Variants in ALDH1L2 observed in about 807,000 individuals in gnomAD.
ALDH1L2 encodes the protein aldehyde dehydrogenase 1 family member L2.
Under a neutral mutation model 111.0 loss-of-function variants are expected in ALDH1L2, and 91 were observed. The ratio of observed to expected loss-of-function variants is 0.82; its 90% CI spans 0.69 to 0.98. ALDH1L2 has a LOEUF of 0.98. Among genes scored for constraint, ALDH1L2 ranks in the 50% least tolerant of loss-of-function variants. ALDH1L2 has a pLI of 0.00. For synonymous variants in ALDH1L2, 374 were observed against 392.6 expected, an observed-to-expected ratio of 0.95 and a Z score of 0.56; for missense variants, 995 against 1,126.8, an observed-to-expected ratio of 0.88 and a Z score of 1.67.
chr12:105,070,779 G>C lies in ALDH1L2; in HGVS notation c.219C>G (p.Thr73=), dbSNP rs760162556. ...TCCATTTAGGAAGCTTGAACACAGG[G>C]GTCCCATCTTTCTCTGCAGCCAAAG... ...PLALAAEKDG[T]PVFKLPKWRV... Residue 73 remains threonine, a synonymous_variant, in exon 3 of 23, where the codon ACC becomes ACG. Transcript: ENST00000258494. 6.2e-7 allele frequency: 1 copy of C among 1,613,318 alleles called. No individual in the cohort carries two copies. Among genetic ancestry groups the C allele is most frequent in the Admixed American group, 1.7e-5 (1 of 59,902 alleles).
chr12:105,066,243 A>AT (rs1229707778), intron 5 of ALDH1L2, among the ~76,000 whole-genome samples: 1 of 152,102 alleles, frequency 6.6e-6, no homozygotes, highest in African/African-American at 2.4e-5. Context: ...GTTTCTGGGC[A>AT]TTTTTTATTT....
intron 5 of ALDH1L2, among the ~76,000 whole-genome samples, chr12:105,065,944 C>T (rs981194871): frequency 3.9e-5 from 6 of 152,070 alleles, no homozygotes; most frequent in African/African-American, 1.4e-4. Flanking sequence ...TTGGAATTTC[C>T]TTCTCTGCCC....
Position 105,020,758 on chromosome 12 carries a change from G to A in ALDH1L2, c.*3666C>T, listed in dbSNP as rs544141234. 46 of 152,418 alleles carry A rather than the reference G, an allele frequency of 3.0e-4. No individual in the cohort carries two copies. The highest frequency in any genetic ancestry group is 1.1e-3 in the African/African-American group (46 of 41,580). The allele number at this position is 152,418 out of a possible 1,614,324, so 9.4% of individuals were successfully genotyped here. On this transcript the variant is annotated 3_prime_UTR_variant, in exon 23 of 23. Transcript: ENST00000258494. The stretch of plus-strand genomic sequence containing the variant: ...AGACCTGCAGGAAGTGAGCCAGCCA[G>A]CCATGAGGTTGTGTATGGACAAGAG...
chr12:105,042,094 C>T lies in ALDH1L2; in HGVS notation c.1864-1400G>A, dbSNP rs902797695. On this transcript the variant is annotated intron_variant, in intron 15 of 22. Coordinates refer to ENST00000258494, the MANE Select transcript of ALDH1L2 (RefSeq NM_001034173.4). Reference sequence around the variant, plus strand: ...TATGTATACACAACACACACACACACGTCTACATGTATGTGTGTATCTATC... The same window carrying T: ...TATGTATACACAACACACACACACATGTCTACATGTATGTGTGTATCTATC... 5.9e-5 allele frequency among the ~76,000 whole-genome samples: 9 copies of T among 151,902 alleles called. 1 individual carries two copies. Among genetic ancestry groups the T allele is most frequent in the Admixed American group, 2.0e-4 (3 of 15,246 alleles).
chr12:105,050,202 GC>G, intron 12 of ALDH1L2, 144 bp from the exon 13 acceptor site: 1 of 675,622 alleles, frequency 1.5e-6, no homozygotes, highest in Non-Finnish European at 2.2e-6. Context: ...GGTCCAGTAG[GC>G]AAGAAAGACA....
chr12:105,026,420 A>C (rs1306918571), intron 22 of ALDH1L2, 125 bp downstream of exon 22: 1 of 1,095,510 alleles, frequency 9.1e-7, no homozygotes, highest in African/African-American at 1.6e-5. Context: ...ATGCCCTTCT[A>C]AACCCAGATA....
At chr12:105,040,200 A>C (rs1444243057) in intron 16 of ALDH1L2, among the ~76,000 whole-genome samples, 1 of 150,698 alleles carries the variant, frequency 6.6e-6, no homozygotes, top group Non-Finnish European at 1.5e-5. Context: ...TCATTGAAGT[A>C]GATTTCTAAG....
intron 6 of ALDH1L2, among the ~76,000 whole-genome samples, chr12:105,064,351 G>C (rs915165056): frequency 2.6e-5 from 4 of 151,656 alleles, no homozygotes; most frequent in Non-Finnish European, 4.4e-5. Flanking sequence ...TTTACATTGA[G>C]GAAACCAAGG....
At chr12:105,057,707 C>T (rs1046219294) in intron 10 of ALDH1L2, among the ~76,000 whole-genome samples, 1 of 152,244 alleles carries the variant, frequency 6.6e-6, no homozygotes, top group Non-Finnish European at 1.5e-5. Context: ...TAGGCAAATC[C>T]ATAGACAGAA....
chr12:105,059,065 G>A (rs550436472), intron 9 of ALDH1L2, among the ~76,000 whole-genome samples: 33 of 151,676 alleles, frequency 2.2e-4, no homozygotes, highest in Non-Finnish European at 4.0e-4. Context: ...TCAGGAGATC[G>A]AGACCACCCT....
intron 18 of ALDH1L2, among the ~76,000 whole-genome samples, chr12:105,034,646 T>G (rs1427992338): frequency 6.6e-6 from 1 of 152,190 alleles, no homozygotes; most frequent in East Asian, 1.9e-4. Flanking sequence ...TAAAAAAATG[T>G]ATGTGTAACA....
intron 10 of ALDH1L2, among the ~76,000 whole-genome samples, chr12:105,057,745 C>G (rs1876721231): frequency 6.6e-6 from 1 of 152,224 alleles, no homozygotes; most frequent in Non-Finnish European, 1.5e-5. Context: ...TAGGAACTAT[C>G]ATGCTATCCA....
chr12:105,068,573 C>G, intron 4 of ALDH1L2, 146 bp downstream of exon 4: 1 of 769,124 alleles, frequency 1.3e-6, no homozygotes, highest in South Asian at 4.4e-5. Flanking sequence ...CCTAAATATA[C>G]CATCCCATTA....
At chr12:105,042,449 T>C (rs12580282) in intron 15 of ALDH1L2, among the ~76,000 whole-genome samples, 3,374 of 152,296 alleles carry the variant, frequency 0.022, 97 homozygotes, top group East Asian at 0.14. Context: ...TGAGGACATA[T>C]AGTCCAAAGT....
intron 7 of ALDH1L2, among the ~76,000 whole-genome samples, chr12:105,062,211 T>G (rs1239875437): frequency 6.6e-6 from 1 of 152,172 alleles, no homozygotes; most frequent in Non-Finnish European, 1.5e-5. Flanking sequence ...TAAAAGCCAG[T>G]GGAGGCGGAT....
chr12:105,060,558 C>G (rs1876925157), intron 9 of ALDH1L2: 1 of 154,508 alleles, frequency 6.5e-6, no homozygotes, highest in Non-Finnish European at 1.4e-5. Context: ...AGCGTGGTGG[C>G]TCACACCTAT....
chr12:105,083,139 C>T (rs1280956983), intron 1 of ALDH1L2, among the ~76,000 whole-genome samples: 4 of 152,230 alleles, frequency 2.6e-5, no homozygotes, highest in Admixed American at 2.6e-4. Context: ...AGACTTCCTT[C>T]TGGTCACCAA....
intron 19 of ALDH1L2, 35 bp downstream of exon 19, chr12:105,034,265 C>T (rs754686066): frequency 1.1e-5 from 18 of 1,600,886 alleles, no homozygotes; most frequent in Non-Finnish European, 1.5e-5. Context: ...AGCAAAATCT[C>T]TAAACAACTC....
At chr12:105,039,916 G>T in intron 16 of ALDH1L2, 110 bp from the exon 17 acceptor site, 2 of 887,342 alleles carry the variant, frequency 2.3e-6, no homozygotes, top group Non-Finnish European at 3.7e-6. Flanking sequence ...AGATCACAAG[G>T]TCAGGAGATC....
Sources: gnomAD v4.1 joint callset for allele counts (sites outside exome capture counted in the v4.1 genomes callset) on GRCh38, gnomAD v4.1.1 for gene constraint, MANE v1.5 for transcripts, NCBI Gene and HGNC (gene_info 2026-07-23, HGNC 2026-07-21) for gene names.